Variants in NDUFAF6 observed in about 807,000 individuals in gnomAD.
NDUFAF6 encodes the protein NADH dehydrogenase (ubiquinone) complex I, assembly factor 6.
In NDUFAF6, 45 loss-of-function variants were observed where a neutral mutation model predicts 40.8. The observed-to-expected ratio is 1.10, with a 90% CI of 0.87 to 1.42. The LOEUF (loss-of-function observed/expected upper bound fraction) is 1.42. Among genes scored for constraint, NDUFAF6 ranks in the 40% most tolerant of loss-of-function variants. NDUFAF6 has a pLI of 0.00. For missense variants in NDUFAF6, 435 were observed against 418.5 expected (o/e 1.04, Z -0.34); for synonymous variants, 185 against 155.9 (o/e 1.19, Z -1.39).
intron 1 of NDUFAF6, among the ~76,000 whole-genome samples, chr8:94,972,052 G>T (rs1247031884): frequency 6.6e-6 from 1 of 152,164 alleles, no homozygotes; most frequent in African/African-American, 2.4e-5. Context: ...CCTCCATCTT[G>T]CTTCCTTTAC....
intron 1 of NDUFAF6, among the ~76,000 whole-genome samples, chr8:94,963,833 G>C (rs78522171): frequency 0.018 from 2,686 of 152,362 alleles, 36 homozygotes; most frequent in Admixed American, 0.024. Context: ...AGCTGGGGAA[G>C]ACAGGTGGAG....
At chr8:94,993,584 G>T (rs2131622873) in intron 2 of NDUFAF6, among the ~76,000 whole-genome samples, 1 of 152,306 alleles carries the variant, frequency 6.6e-6, no homozygotes, top group South Asian at 2.1e-4. Flanking sequence ...ACCTCCTGGA[G>T]GATAAGTGGG....
In NDUFAF6 at chr8:95,039,478, G is replaced by T. The variant is rs537119037; in HGVS notation, c.421-2092G>T. 2.6e-5 allele frequency among the ~76,000 whole-genome samples: 4 copies of T among 151,230 alleles called. No individual in the cohort carries two copies. In the South Asian group the frequency reaches 6.3e-4, roughly 24 times the overall value. ...AAAAAAAAAAAGGGGGGGTTTCACT[G>T]TGTTGCCCAGGCTGGTCTCAAACTC... On this transcript the variant is annotated intron_variant, in intron 3 of 8. Coordinates refer to ENST00000396124, the MANE Select transcript of NDUFAF6 (RefSeq NM_152416.4).
chr8:94,958,522 C>CTTTTTTTTTTT (rs55703438), intron 1 of NDUFAF6, among the ~76,000 whole-genome samples: 8 of 71,276 alleles, frequency 1.1e-4, no homozygotes, highest in African/African-American at 3.5e-4. Context: ...TAGTCACATT[C>CTTTTTTTTTTT]TTTTTTTTTT....
exon 10 of NDUFAF6, chr8:95,075,775 T>C (rs1833005774): frequency 8.9e-7 from 1 of 1,126,000 alleles, no homozygotes; most frequent in Middle Eastern, 3.6e-4. Context: ...GGAAACCTTC[T>C]TGCTTAACTA....
At chr8:95,075,672 C>T (rs890923864) in exon 10 of NDUFAF6, 2 of 1,288,284 alleles carry the variant, frequency 1.6e-6, no homozygotes, top group Non-Finnish European at 2.0e-6. Context: ...GTGTCTTGCA[C>T]AGCCAGCCAG....
chr8:94,983,048 A>C (rs995428449), intron 2 of NDUFAF6, among the ~76,000 whole-genome samples: 1 of 152,178 alleles, frequency 6.6e-6, no homozygotes, highest in South Asian at 2.1e-4. Context: ...TGGTTCTTCT[A>C]CTATAAAGTG....
intron 4 of NDUFAF6, 81 bp downstream of exon 4, chr8:95,041,707 A>C: frequency 1.7e-6 from 2 of 1,153,804 alleles, no homozygotes; most frequent in Non-Finnish European, 2.6e-6. Context: ...ACATTTTTTG[A>C]CTGTATATTA....
At chr8:94,983,728 A>G (rs1345839518) in intron 2 of NDUFAF6, among the ~76,000 whole-genome samples, 1 of 152,226 alleles carries the variant, frequency 6.6e-6, no homozygotes, top group Non-Finnish European at 1.5e-5. Flanking sequence ...TTCTAAGATC[A>G]TACTATGAGT....
chr8:94,948,696 G>A (rs1374858528), intron 2 of NDUFAF6, among the ~76,000 whole-genome samples: 7 of 152,186 alleles, frequency 4.6e-5, no homozygotes, highest in African/African-American at 1.4e-4. Flanking sequence ...GGTGGCCGCG[G>A]GAGCCCCGAC....
At chr8:95,062,221 G>A (rs1185822683), downstream of NDUFAF6, among the ~76,000 whole-genome samples, 1 of 151,640 alleles carries the variant, frequency 6.6e-6, no homozygotes, top group Non-Finnish European at 1.5e-5. Flanking sequence ...TCCCAGCTCT[G>A]CCACCCTAAG....
chr8:94,998,265 A>G (rs1044124442), intron 2 of NDUFAF6, among the ~76,000 whole-genome samples: 3 of 152,174 alleles, frequency 2.0e-5, no homozygotes, highest in Non-Finnish European at 4.4e-5. Context: ...ACAAAGCACA[A>G]AAATCAAGAG....
intron 2 of NDUFAF6, among the ~76,000 whole-genome samples, chr8:95,090,379 G>C (rs1050238167): frequency 1.3e-5 from 2 of 152,182 alleles, no homozygotes; most frequent in Non-Finnish European, 2.9e-5. Context: ...TTCATGGCCT[G>C]AGCTCCCCTT....
upstream of NDUFAF6, among the ~76,000 whole-genome samples, chr8:95,096,153 C>T (rs1388868549): frequency 1.3e-5 from 2 of 152,072 alleles, no homozygotes; most frequent in East Asian, 1.9e-4. Context: ...GACAAGGAGT[C>T]GAATCAGGAT....
In NDUFAF6 at chr8:95,002,056, T is replaced by C. The variant is rs539618165; in HGVS notation, c.-84+21083T>C. Among the ~76,000 whole-genome samples the C allele has an allele frequency of 3.9e-5, 6 of 152,310 alleles. No homozygotes were observed. The South Asian group carries it at 1.2e-3, about 32-fold the overall frequency. On this transcript the variant is annotated intron_variant, in intron 2 of 9. Transcript: ENST00000396111. ...AGTTTGAAGACAATGAAAAGAGGAT[T>C]TAGTGACTTTTATGGTAGTTGTTAA...
At chr8:95,016,876 G>A (rs1827472620) in intron 2 of NDUFAF6, among the ~76,000 whole-genome samples, 1 of 151,630 alleles carries the variant, frequency 6.6e-6, no homozygotes, top group African/African-American at 2.4e-5. Flanking sequence ...AGGTCTATGT[G>A]TGCAGGCATC....
chr8:95,018,554 G>A (rs895715855), intron 2 of NDUFAF6, among the ~76,000 whole-genome samples: 9 of 149,606 alleles, frequency 6.0e-5, no homozygotes, highest in Non-Finnish European at 1.0e-4. Flanking sequence ...CTCCCAATCT[G>A]TTTTGTGGGG....
At chr8:94,910,727 T>C (rs1055632838) in intron 1 of NDUFAF6, among the ~76,000 whole-genome samples, 6 of 152,230 alleles carry the variant, frequency 3.9e-5, no homozygotes, top group Admixed American at 2.0e-4. Context: ...TTCAGTAATA[T>C]CACTTTTCAT....
At chr8:95,029,794 C>T (rs1361460594) in intron 1 of NDUFAF6, among the ~76,000 whole-genome samples, 1 of 152,198 alleles carries the variant, frequency 6.6e-6, no homozygotes, top group African/African-American at 2.4e-5. Context: ...GGACACTCAG[C>T]TTTTCTCTCC....
Sources: gnomAD v4.1 joint callset for allele counts (sites outside exome capture counted in the v4.1 genomes callset) on GRCh38, gnomAD v4.1.1 for gene constraint, MANE v1.5 for transcripts, NCBI Gene and HGNC (gene_info 2026-07-23, HGNC 2026-07-21) for gene names.